The following PTER variants were observed in gnomAD, a reference collection of about 807,000 sequenced individuals.
The protein encoded by PTER is phosphotriesterase related.
In PTER, 38 loss-of-function variants were observed where a neutral mutation model predicts 29.6. The observed-to-expected ratio is 1.28, with a 90% CI of 0.99 to 1.68. The LOEUF is 1.68. Among genes scored for constraint, PTER ranks in the 40% most tolerant of loss-of-function variants. PTER has a pLI of 0.00. For synonymous variants in PTER, 172 were observed against 154.5 expected (o/e 1.11, Z -0.84); for missense variants, 482 against 427.8 (o/e 1.13, Z -1.12).
intron 4 of PTER, among the ~76,000 whole-genome samples, chr10:16,509,493 T>C (rs1233392917): frequency 2.6e-5 from 4 of 152,184 alleles, no homozygotes; most frequent in African/African-American, 9.7e-5. Flanking sequence ...ATTTATCAGA[T>C]AAGAAACATA....
Position 16,503,959 on chromosome 10 carries a change from C to T in PTER, c.699-1061C>T, listed in dbSNP as rs148281139. 2.5e-3 allele frequency among the ~76,000 whole-genome samples: 385 copies of T among 152,314 alleles called. 4 individuals are homozygous for T. The highest frequency in any genetic ancestry group is 8.2e-3 in the African/African-American group (340 of 41,580). Reference sequence around the variant, plus strand: ...CTCATCTCCACGCCAATTTCCGATCCGAAACGATCCCTTACATTTCTCTAG... The same window carrying T: ...CTCATCTCCACGCCAATTTCCGATCTGAAACGATCCCTTACATTTCTCTAG... On this transcript the variant is annotated intron_variant, in intron 3 of 4. Coordinates refer to ENST00000535784, the MANE Select transcript of PTER (RefSeq NM_001261836.2).
At chr10:16,439,073 G>C (rs573761991) in intron 1 of PTER, among the ~76,000 whole-genome samples, 1 of 152,220 alleles carries the variant, frequency 6.6e-6, no homozygotes, top group South Asian at 2.1e-4. Flanking sequence ...AACCAGAATA[G>C]ATTGAGAGGG....
intron 1 of PTER, among the ~76,000 whole-genome samples, chr10:16,479,761 G>C (rs1588612038): frequency 6.6e-6 from 1 of 152,022 alleles, no homozygotes; most frequent in Admixed American, 6.6e-5. Flanking sequence ...TCTCAGACAA[G>C]ACACTACCTG....
chr10:16,441,035 A>G (rs564669971), intron 1 of PTER, among the ~76,000 whole-genome samples: 1 of 152,274 alleles, frequency 6.6e-6, no homozygotes. Context: ...TGTTCCCATC[A>G]TGCTCCAGTC....
intron 4 of PTER, among the ~76,000 whole-genome samples, chr10:16,507,203 T>C (rs1052121075): frequency 1.7e-4 from 23 of 131,988 alleles, no homozygotes; most frequent in African/African-American, 6.8e-4. Context: ...GGGTGGAGCA[T>C]ATATATATAT....
intron 1 of PTER, among the ~76,000 whole-genome samples, chr10:16,449,115 C>T (rs1834113280): frequency 6.6e-6 from 1 of 152,210 alleles, no homozygotes; most frequent in African/African-American, 2.4e-5. Context: ...GATGGTGGCA[C>T]TAATCTCTGC....
intron 1 of PTER, among the ~76,000 whole-genome samples, chr10:16,442,904 G>A (rs1384796596): frequency 2.0e-5 from 3 of 152,066 alleles, no homozygotes; most frequent in Non-Finnish European, 2.9e-5. Flanking sequence ...CCCGGGAGGC[G>A]AAGGTTGCAG....
At chr10:16,451,130 C>G (rs1834194015) in intron 1 of PTER, among the ~76,000 whole-genome samples, 1 of 152,138 alleles carries the variant, frequency 6.6e-6, no homozygotes, top group South Asian at 2.1e-4. Context: ...AACTTGGAGT[C>G]TAATGTTTGA....
At chr10:16,453,917 T>C (rs910962949) in intron 1 of PTER, among the ~76,000 whole-genome samples, 1 of 152,208 alleles carries the variant, frequency 6.6e-6, no homozygotes, top group African/African-American at 2.4e-5. Flanking sequence ...GAAATCACTT[T>C]GTTCCACTCC....
chr10:16,468,630 A>C (rs1834931865), intron 1 of PTER, among the ~76,000 whole-genome samples: 1 of 152,144 alleles, frequency 6.6e-6, no homozygotes, highest in South Asian at 2.1e-4. Flanking sequence ...ACTGAGAGGC[A>C]AAGATGTGAC....
intron 1 of PTER, among the ~76,000 whole-genome samples, chr10:16,481,519 A>G (rs1436091740): frequency 6.6e-6 from 1 of 152,170 alleles, no homozygotes; most frequent in Non-Finnish European, 1.5e-5. Flanking sequence ...AATGTTGGCT[A>G]CAGTTTGTTC....
At chr10:16,480,360 TA>T (rs1835434035) in intron 1 of PTER, among the ~76,000 whole-genome samples, 1 of 151,872 alleles carries the variant, frequency 6.6e-6, no homozygotes, top group South Asian at 2.1e-4. Flanking sequence ...CAGGCCCAGC[TA>T]ATTTTTGTAT....
chr10:16,469,215 G>A (rs769850999), intron 1 of PTER, among the ~76,000 whole-genome samples: 3 of 152,078 alleles, frequency 2.0e-5, no homozygotes, highest in Non-Finnish European at 4.4e-5. Flanking sequence ...AGAGCAAAGA[G>A]GCAGAAACCT....
intron 3 of PTER, among the ~76,000 whole-genome samples, chr10:16,493,375 C>T (rs892607935): frequency 4.6e-5 from 7 of 152,094 alleles, no homozygotes; most frequent in African/African-American, 1.7e-4. Context: ...TTGTTTGTAA[C>T]ATCTAGAATC....
chr10:16,445,998 C>A (rs375455810), intron 1 of PTER, among the ~76,000 whole-genome samples: 2 of 152,122 alleles, frequency 1.3e-5, no homozygotes, highest in African/African-American at 4.8e-5. Context: ...TTTGAGCTTG[C>A]CCCGTTATCA....
At chr10:16,485,685 A>G (rs1423022288) in intron 2 of PTER, among the ~76,000 whole-genome samples, 2 of 152,198 alleles carry the variant, frequency 1.3e-5, no homozygotes, top group South Asian at 2.1e-4. Context: ...TATTCTTCCA[A>G]CCACTTTTAG....
intron 3 of PTER, among the ~76,000 whole-genome samples, chr10:16,501,304 A>C (rs1237566142): frequency 6.6e-6 from 1 of 150,646 alleles, no homozygotes; most frequent in East Asian, 1.9e-4. Context: ...ATATCACTAT[A>C]TGTCAGTTAA....
chr10:16,492,029 G>A (rs760719350), intron 3 of PTER, among the ~76,000 whole-genome samples: 6 of 152,162 alleles, frequency 3.9e-5, no homozygotes, highest in South Asian at 2.1e-4. Flanking sequence ...GACCCTGAGA[G>A]GGAAGAGTTA....
At chr10:16,508,049 C>A (rs1460302487) in intron 4 of PTER, among the ~76,000 whole-genome samples, 1 of 148,648 alleles carries the variant, frequency 6.7e-6, no homozygotes, top group African/African-American at 2.5e-5. Flanking sequence ...TGTTTTATTT[C>A]TTTTTTCTTT....
Sources: gnomAD v4.1 joint callset for allele counts (sites outside exome capture counted in the v4.1 genomes callset) on GRCh38, gnomAD v4.1.1 for gene constraint, MANE v1.5 for transcripts, NCBI Gene and HGNC (gene_info 2026-07-23, HGNC 2026-07-21) for gene names.